The following MACC1 variants were observed in gnomAD, a reference collection of about 807,000 sequenced individuals.
MACC1 encodes the protein metastasis-associated in colon cancer protein 1.
In MACC1, 79 loss-of-function variants were observed where a neutral mutation model predicts 70.7. The ratio of observed to expected loss-of-function variants is 1.12; its 90% CI spans 0.93 to 1.35. The LOEUF is 1.35. Among genes scored for constraint, MACC1 ranks in the 40% most tolerant of loss-of-function variants. The pLI is 0.00. For missense variants in MACC1, 1,106 were observed against 978.1 expected (o/e 1.13, Z -1.74); for synonymous variants, 361 against 347.2 (o/e 1.04, Z -0.44).
intron 1 of MACC1, among the ~76,000 whole-genome samples, chr7:20,195,244 C>T (rs898227132): frequency 2.0e-5 from 3 of 152,106 alleles, no homozygotes; most frequent in African/African-American, 7.2e-5. Flanking sequence ...TCCAACCCGC[C>T]GTACCTTGCT....
Position 20,160,943 on chromosome 7 carries a change from C to G in MACC1, c.116-698G>C, listed in dbSNP as rs542275151. Among the ~76,000 whole-genome samples, 23 of 152,160 alleles carry G rather than the reference C, an allele frequency of 1.5e-4. No individual in the cohort carries two copies. The South Asian group carries it at 2.1e-3, about 14-fold the overall frequency. On this transcript the variant is annotated intron_variant, in intron 4 of 6. Transcript: ENST00000400331. ...TTATTGATCAAATGAATTCATTGCA[C>G]TCAAGCTTGCAATGGCAAATAATAA...
chr7:20,178,620 A>G (rs1384679912), intron 1 of MACC1, among the ~76,000 whole-genome samples: 1 of 151,982 alleles, frequency 6.6e-6, no homozygotes, highest in Non-Finnish European at 1.5e-5. Flanking sequence ...TTTTTTTGAG[A>G]TGGAGTTTCG....
In MACC1 at chr7:20,160,164, G is replaced by A. The variant is rs925109804; in HGVS notation, c.197C>T (p.Pro66Leu). 6.2e-7 allele frequency: 1 copy of A among 1,611,490 alleles called. No individual in the cohort carries two copies. The change falls in exon 5 of 7, where the codon CCA becomes CTA. Residue 66 changes from proline (P) to leucine (L), a missense_variant. Physicochemically the swap from Pro to Leu is moderately conservative, Grantham distance 98 (BLOSUM62 -3). Transcript: ENST00000400331. ...AGAAGCAGACAGTTGATTCCAGAAT[G>A]GATTTGCAACTTTGGAAGCATTATT... ...RGNNASKVAN[P>L]FWNQLSASNP...
intron 1 of MACC1, among the ~76,000 whole-genome samples, chr7:20,185,911 T>C (rs1782580747): frequency 6.6e-6 from 1 of 152,158 alleles, no homozygotes; most frequent in Non-Finnish European, 1.5e-5. Context: ...ATCATCCCGG[T>C]AGGAAGTAAA....
intron 5 of MACC1, 98 bp from the exon 6 acceptor site, chr7:20,154,479 C>G (rs1275320402): frequency 1.7e-5 from 21 of 1,229,976 alleles, no homozygotes; most frequent in Non-Finnish European, 2.2e-5. Flanking sequence ...AATGGGAGTC[C>G]TTTTTTTTCA....
chr7:20,207,294 C>A (rs1270588024), intron 1 of MACC1, among the ~76,000 whole-genome samples: 1 of 151,832 alleles, frequency 6.6e-6, no homozygotes, highest in Non-Finnish European at 1.5e-5. Flanking sequence ...GCATGTGCCA[C>A]CCCATGTCTG....
intron 1 of MACC1, among the ~76,000 whole-genome samples, chr7:20,177,577 T>C (rs1782413970): frequency 6.6e-6 from 1 of 152,102 alleles, no homozygotes; most frequent in Non-Finnish European, 1.5e-5. Context: ...TTTGTTCTAA[T>C]TTATATTTTA....
At chr7:20,167,804 C>T (rs902101074) in intron 2 of MACC1, among the ~76,000 whole-genome samples, 1 of 152,116 alleles carries the variant, frequency 6.6e-6, no homozygotes. Context: ...TGCAATAACA[C>T]AGAGCCCCAC....
In MACC1 at chr7:20,158,390, C is replaced by T; in HGVS notation, c.1971G>A (p.Val657=). Residue 657 remains valine, a synonymous_variant, in exon 5 of 7, where the codon GTG becomes GTA. Coordinates refer to ENST00000400331, the MANE Select transcript of MACC1 (RefSeq NM_182762.4). ...CTTTCCAATCATAAACTTTTTCTGA[C>T]ACCAAGGTTAATACAACTGAGTAGA... ...TYIYSVVLTL[V]SEKVYDWKVL... The T allele has an allele frequency of 6.2e-7, 1 of 1,613,700 alleles. No individual in the cohort carries two copies. The highest frequency in any genetic ancestry group is 1.1e-5 in the South Asian group (1 of 91,000).
Position 20,161,871 on chromosome 7 carries a change from C to G in MACC1, c.-8-1G>C. 2 of 1,561,162 alleles carry G rather than the reference C, an allele frequency of 1.3e-6. No homozygotes were observed. Among genetic ancestry groups the G allele is most frequent in the East Asian group, 2.3e-5 (1 of 44,412 alleles). On this transcript the variant is annotated splice_acceptor_variant, in intron 3 of 6. Coordinates refer to ENST00000400331, the MANE Select transcript of MACC1 (RefSeq NM_182762.4). LOFTEE classifies it low-confidence loss of function (5UTR_SPLICE). ...CTTTCAGTGATTAGCATTTTTCCAC[C>G]TACAAAGTAAATAGATAAGTATTTT...
intron 1 of MACC1, among the ~76,000 whole-genome samples, chr7:20,207,735 A>T (rs1317310733): frequency 6.6e-6 from 1 of 152,246 alleles, no homozygotes; most frequent in South Asian, 2.1e-4. Context: ...ATACACAAAG[A>T]TATCAAAATT....
chr7:20,168,380 T>C (rs1453690695), intron 2 of MACC1, among the ~76,000 whole-genome samples: 1 of 152,316 alleles, frequency 6.6e-6, no homozygotes, highest in South Asian at 2.1e-4. Context: ...TAAATTCCAG[T>C]ATACCTATTA....
chr7:20,217,046 C>T (rs1783080977), intron 1 of MACC1, among the ~76,000 whole-genome samples: 1 of 152,040 alleles, frequency 6.6e-6, no homozygotes, highest in Non-Finnish European at 1.5e-5. Context: ...GACCTGGGTT[C>T]CTCCTTTTTT....
rs1554291002 is a variant in MACC1, at chr7:20,189,750, A to ACACACACAC, written c.-217-18973_-217-18972insGTGTGTGTG. The stretch of plus-strand genomic sequence containing the variant: ...ACAGACAGACATACACAAACACATA[A>ACACACACAC]ACACACACACACACACACACACACA... On this transcript the variant is annotated intron_variant, in intron 1 of 6. Coordinates refer to ENST00000400331, the MANE Select transcript of MACC1 (RefSeq NM_182762.4). Among the ~76,000 whole-genome samples, 194 of 117,776 alleles carry ACACACACAC rather than the reference A, an allele frequency of 1.6e-3. 1 individual carries two copies. Among genetic ancestry groups the ACACACACAC allele is most frequent in the African/African-American group, 6.2e-3 (176 of 28,212 alleles). The allele number at this position is 117,776 out of a possible 152,430, so 77.3% of individuals were successfully genotyped here.
intron 4 of MACC1, among the ~76,000 whole-genome samples, chr7:20,160,823 A>G (rs1782129867): frequency 6.6e-6 from 1 of 152,124 alleles, no homozygotes. Flanking sequence ...TTAATTTATT[A>G]GATAATTCTA....
At position 20,138,298 on chromosome 7, in the gene MACC1, T is replaced by TA. The variant is rs1246619819; in HGVS notation, c.*2647dup. 2 of 152,128 alleles carry TA rather than the reference T, an allele frequency of 1.3e-5. No individual in the cohort carries two copies. Among genetic ancestry groups the TA allele is most frequent in the African/African-American group, 2.4e-5 (1 of 41,428 alleles). The allele number at this position is 152,128 out of a possible 1,614,324, so 9.4% of individuals were successfully genotyped here. The stretch of plus-strand genomic sequence containing the variant: ...CTTGTTTTTCATTTTTTTAAACTCT[T>TA]ATTATTCTCAATCACAATCATAATA... On this transcript the variant is annotated 3_prime_UTR_variant, in exon 7 of 7. Transcript: ENST00000400331.
At position 20,139,030 on chromosome 7, in the gene MACC1, G is replaced by T. The variant is rs540655668; in HGVS notation, c.*1916C>A. 1 of 152,272 alleles carries T rather than the reference G, an allele frequency of 6.6e-6. No individual in the cohort carries two copies. Among genetic ancestry groups the T allele is most frequent in the African/African-American group, 2.4e-5 (1 of 41,560 alleles). The allele number at this position is 152,272 out of a possible 1,614,324, so 9.4% of individuals were successfully genotyped here. On this transcript the variant is annotated 3_prime_UTR_variant, in exon 7 of 7. Coordinates refer to ENST00000400331, the MANE Select transcript of MACC1 (RefSeq NM_182762.4). ...TTGCCAGCATACCAAATATCCCAGG[G>T]TGGGTATATTAAAAGCCCTAAAAAG...
chr7:20,165,047 C>T (rs1782193672), intron 2 of MACC1, among the ~76,000 whole-genome samples: 1 of 152,160 alleles, frequency 6.6e-6, no homozygotes, highest in Non-Finnish European at 1.5e-5. Context: ...CCTTACGCAG[C>T]TATGACCTTG....
rs1008791290 is a variant in MACC1 at position 20,159,126 on chromosome 7, A to G, written c.1235T>C (p.Ile412Thr). The G allele has an allele frequency of 8.1e-6, 13 of 1,613,752 alleles. No individual in the cohort carries two copies. Among genetic ancestry groups the G allele is most frequent in the Non-Finnish European group, 9.3e-6 (11 of 1,179,986 alleles). The change falls in exon 5 of 7, where the codon ATA (isoleucine) becomes ACA (threonine). Residue 412 changes from isoleucine to threonine, a missense_variant. By Grantham distance (89) the Ile-to-Thr change is moderately conservative. Coordinates refer to ENST00000400331, the MANE Select transcript of MACC1 (RefSeq NM_182762.4). Reference protein sequence around the residue: ...ISDIKKGGKNISPVVFQLWGK... With the variant: ...ISDIKKGGKNTSPVVFQLWGK... The stretch of plus-strand genomic sequence containing the variant: ...CCAGAGCTGAAACACAACTGGAGAT[A>G]TGTTTTTTCCACCCTTCTTAATATC...
Sources: allele counts gnomAD v4.1 joint callset (sites outside exome capture counted in the v4.1 genomes callset), GRCh38; gene constraint gnomAD v4.1.1; transcripts MANE v1.5; gene names NCBI Gene and HGNC (gene_info 2026-07-23, HGNC 2026-07-21).